Variants in SNRPN observed in about 807,000 individuals in gnomAD.
The protein encoded by SNRPN is small nuclear ribonucleoprotein-associated protein N.
SNRPN carries 7 observed loss-of-function variants against 25.2 expected under a neutral mutation model. The ratio of observed to expected loss-of-function variants is 0.28; its 90% CI spans 0.16 to 0.52. SNRPN has a LOEUF of 0.52. SNRPN is among the 20% of genes least tolerant of loss of function. The probability of loss-of-function intolerance (pLI) is 0.96; values close to 1 mark genes in which losing one functional copy is unlikely to be tolerated. For missense variants in SNRPN, 196 were observed against 322.5 expected, an observed-to-expected ratio of 0.61 and a Z score of 3.00; for synonymous variants, 124 against 110.6, an observed-to-expected ratio of 1.12 and a Z score of -0.76.
chr15:24,878,456 T>C (rs928632812), intron 1 of SNRPN, among the ~76,000 whole-genome samples: 3 of 152,246 alleles, frequency 2.0e-5, no homozygotes, highest in Admixed American at 6.5e-5. Context: ...TGGGGCGCCT[T>C]TTCTCCTTCC....
intron 2 of SNRPN, among the ~76,000 whole-genome samples, chr15:24,889,366 G>A (rs559088108): frequency 1.3e-4 from 20 of 150,762 alleles, no homozygotes; most frequent in African/African-American, 4.6e-4. Context: ...TCAATGGCAC[G>A]ATCTCCGCTC....
chr15:24,936,342 T>G (rs910032459), intron 3 of SNRPN, among the ~76,000 whole-genome samples: 4 of 152,142 alleles, frequency 2.6e-5, no homozygotes, highest in Non-Finnish European at 1.5e-5. Context: ...AGAAAGCCCA[T>G]GTTCCTGATA....
chr15:24,923,123 C>G (rs2060135617), intron 3 of SNRPN, among the ~76,000 whole-genome samples: 1 of 152,064 alleles, frequency 6.6e-6, no homozygotes, highest in Admixed American at 6.6e-5. Flanking sequence ...CCAGGCTGGT[C>G]TCGAACTCCT....
intron 3 of SNRPN, among the ~76,000 whole-genome samples, chr15:24,922,890 CTTTTTTTTTTTTTT>C (rs71412618): frequency 4.4e-5 from 3 of 68,170 alleles, no homozygotes; most frequent in South Asian, 7.1e-4. Flanking sequence ...TAGGCAGATC[CTTTTTTTTTTTTTT>C]TTTTTTTTTT....
chr15:24,963,299 C>T (rs2153503644), intron 2 of SNRPN, among the ~76,000 whole-genome samples: 1 of 152,242 alleles, frequency 6.6e-6, no homozygotes. Context: ...TGGCTATTAA[C>T]AATGAAAAGA....
chr15:24,947,383 C>T (rs1425271139), intron 3 of SNRPN, among the ~76,000 whole-genome samples: 1 of 152,208 alleles, frequency 6.6e-6, no homozygotes, highest in Non-Finnish European at 1.5e-5. Context: ...GTAATCCCAG[C>T]ACTTTGGGAG....
chr15:24,956,389 A>G (rs1329882389), intron 1 of SNRPN, among the ~76,000 whole-genome samples: 2 of 145,828 alleles, frequency 1.4e-5, no homozygotes, highest in Non-Finnish European at 3.0e-5. Context: ...TAGAGCCGCC[A>G]GTGGGGAGGG....
At chr15:24,916,668 C>G (rs753005722) in intron 2 of SNRPN, among the ~76,000 whole-genome samples, 11 of 152,080 alleles carry the variant, frequency 7.2e-5, no homozygotes, top group Non-Finnish European at 1.6e-4. Context: ...ATAATGGTAA[C>G]AGTATTAAAT....
Position 24,976,426 on chromosome 15 carries a change from A to T in SNRPN, c.267+10A>T. On this transcript the variant is annotated intron_variant, in intron 6 of 9. Coordinates refer to ENST00000390687, the MANE Select transcript of SNRPN (RefSeq NM_003097.6). ...GCCACCCCCCAAAGATGTAAGGAAG[A>T]TGTAGGGCAGGACAGAACTTTAATT... The T allele has an allele frequency of 1.9e-6, 3 of 1,561,846 alleles. No homozygotes were observed. Among genetic ancestry groups the T allele is most frequent in the East Asian group, 2.2e-5 (1 of 44,618 alleles).
chr15:24,968,319 G>GT (rs997261284), intron 3 of SNRPN: 129 of 302,294 alleles, frequency 4.3e-4, no homozygotes, highest in African/African-American at 1.9e-3. Flanking sequence ...TTTCTTTTGC[G>GT]TTTTTTTTAA....
chr15:24,933,674 G>C (rs2061034610), intron 3 of SNRPN, among the ~76,000 whole-genome samples: 1 of 152,212 alleles, frequency 6.6e-6, no homozygotes, highest in South Asian at 2.1e-4. Flanking sequence ...ACATCAAAGG[G>C]ATTGCCAGAA....
chr15:24,966,945 G>T (rs2075730338), intron 2 of SNRPN: 1 of 152,088 alleles, frequency 6.6e-6, no homozygotes, highest in African/African-American at 2.4e-5. Flanking sequence ...GAGGGCTTTT[G>T]TCTGGAATTC....
At chr15:24,871,271 G>A (rs760291707) in intron 1 of SNRPN, among the ~76,000 whole-genome samples, 29 of 152,042 alleles carry the variant, frequency 1.9e-4, no homozygotes, top group Admixed American at 5.9e-4. Flanking sequence ...AAAACAATAT[G>A]ATGTAGCGAC....
At chr15:24,878,530 T>G (rs1041212851) in intron 1 of SNRPN, among the ~76,000 whole-genome samples, 2 of 152,252 alleles carry the variant, frequency 1.3e-5, no homozygotes, top group African/African-American at 4.8e-5. Context: ...GAGTCTCCCT[T>G]TCTTCGCAAG....
At chr15:24,913,021 C>A (rs2059307111) in intron 2 of SNRPN, among the ~76,000 whole-genome samples, 2 of 152,108 alleles carry the variant, frequency 1.3e-5, no homozygotes, top group Non-Finnish European at 2.9e-5. Flanking sequence ...CTCACTGCAA[C>A]CTCCGCCTCC....
intron 2 of SNRPN, among the ~76,000 whole-genome samples, chr15:24,832,772 A>G (rs2050657018): frequency 1.3e-5 from 2 of 151,990 alleles, no homozygotes; most frequent in Non-Finnish European, 2.9e-5. Context: ...AAATATACAC[A>G]GACTTGCTGC....
intron 1 of SNRPN, among the ~76,000 whole-genome samples, chr15:24,877,413 T>C (rs2056026947): frequency 6.6e-6 from 1 of 152,110 alleles, no homozygotes; most frequent in South Asian, 2.1e-4. Flanking sequence ...AATGGCAACC[T>C]AAATAAGTAC....
At chr15:24,919,055 G>A (rs1298692665) in intron 2 of SNRPN, among the ~76,000 whole-genome samples, 5 of 140,648 alleles carry the variant, frequency 3.6e-5, no homozygotes, top group Admixed American at 7.2e-5. Context: ...ATATATGTGC[G>A]CATATATATA....
rs79320823 is a variant in SNRPN at position 24,862,382 on chromosome 15, G to T, written c.-579+5666G>T. Among the ~76,000 whole-genome samples the T allele has an allele frequency of 1.1e-3, 168 of 150,648 alleles. 8 individuals are homozygous for T. The East Asian group carries it at 0.022, about 20-fold the overall frequency. On this transcript the variant is annotated intron_variant, in intron 1 of 11. Coordinates refer to the SNRPN transcript ENST00000400097. ...GGTGGGGAGGCTGGCAAAAAGGCTGGGCAGAATCAGGGCTCACATCCTGAC... is the reference window on the plus strand; with the variant it reads ...GGTGGGGAGGCTGGCAAAAAGGCTGTGCAGAATCAGGGCTCACATCCTGAC...
Sources: gnomAD v4.1 joint callset for allele counts (sites outside exome capture counted in the v4.1 genomes callset) on GRCh38, gnomAD v4.1.1 for gene constraint, MANE v1.5 for transcripts, NCBI Gene and HGNC (gene_info 2026-07-23, HGNC 2026-07-21) for gene names.